The following SMG1 variants were observed in gnomAD, a reference collection of about 807,000 sequenced individuals.
SMG1 encodes serine/threonine-protein kinase SMG1.
SMG1 carries 22 observed loss-of-function variants against 419.9 expected under a neutral mutation model. The ratio of observed to expected loss-of-function variants is 0.05; its 90% CI spans 0.04 to 0.07. The LOEUF (loss-of-function observed/expected upper bound fraction) is 0.07. Ranked by LOEUF, SMG1 falls within the 10% of genes least tolerant of loss-of-function variation. The pLI is 1.00. For synonymous variants in SMG1, 1,538 were observed against 1,553.5 expected, an observed-to-expected ratio of 0.99 and a Z score of 0.23; for missense variants, 3,185 against 4,342.0, an observed-to-expected ratio of 0.73 and a Z score of 7.49.
At chr16:18,838,512 A>G in intron 43 of SMG1, 39 bp downstream of exon 43, 1 of 1,613,938 alleles carries the variant, frequency 6.2e-7, no homozygotes, top group Non-Finnish European at 8.5e-7. Context: ...ACCAAAAAAC[A>G]TTTGGCCCTC....
Position 18,840,026 on chromosome 16 carries a change from G to T in SMG1, c.6697-80C>A, listed in dbSNP as rs1325741719. On this transcript the variant is annotated intron_variant, in intron 41 of 62. Transcript: ENST00000446231. ...AAGAGTGCCTTTTGTATGTAAAGTA[G>T]AATTTTTAAAAATGATTTTTCAGTA... is the stretch of plus-strand genomic sequence containing the variant. 9.3e-6 allele frequency: 11 copies of T among 1,179,722 alleles called. No homozygotes were observed. In the East Asian group the frequency reaches 2.8e-4, roughly 30 times the overall value. The allele number at this position is 1,179,722 out of a possible 1,614,324, so 73.1% of individuals were successfully genotyped here.
chr16:18,845,900 C>G (rs1324833702), intron 38 of SMG1, among the ~76,000 whole-genome samples: 1 of 152,002 alleles, frequency 6.6e-6, no homozygotes, highest in Non-Finnish European at 1.5e-5. Flanking sequence ...ACTGCAACCT[C>G]CACCTCCCGG....
chr16:18,827,378 A>G (rs986482652), intron 55 of SMG1, among the ~76,000 whole-genome samples: 1 of 150,994 alleles, frequency 6.6e-6, no homozygotes, highest in Non-Finnish European at 1.5e-5. Context: ...GTGAGGTGAG[A>G]TAGTGCCACT....
At chr16:18,839,589 A>C in intron 42 of SMG1, 109 bp downstream of exon 42, 1 of 1,416,638 alleles carries the variant, frequency 7.1e-7, no homozygotes, top group Non-Finnish European at 9.8e-7. Context: ...CAAACTACCA[A>C]GTCTGGAGGG....
intron 1 of SMG1, among the ~76,000 whole-genome samples, chr16:18,915,329 A>T (rs1276076377): frequency 2.0e-5 from 3 of 152,108 alleles, no homozygotes. Context: ...CCATTACAAT[A>T]CTGTCCTTTT....
intron 47 of SMG1, 43 bp downstream of exon 47, chr16:18,836,317 A>C: frequency 1.2e-6 from 2 of 1,600,032 alleles, no homozygotes; most frequent in Non-Finnish European, 1.7e-6. Context: ...TGACTATAAA[A>C]CTCATAGTTT....
chr16:18,885,796 T>TA, intron 6 of SMG1, 130 bp from the exon 7 acceptor site: 1 of 859,372 alleles, frequency 1.2e-6, no homozygotes, highest in Non-Finnish European at 1.7e-6. Flanking sequence ...TCTGTAGTTT[T>TA]AGTTAAAAAA....
chr16:18,847,896 C>T lies in SMG1; in HGVS notation c.5761G>A (p.Glu1921Lys). ...NKDEPKSGLN[E>K]DQAMMQDCYS... Reference sequence around the variant, plus strand: ...CAATCCTGCATCATGGCTTGGTCTTCATTTAATCCACTTTTAGGTTCATCC... The same window carrying T: ...CAATCCTGCATCATGGCTTGGTCTTTATTTAATCCACTTTTAGGTTCATCC... The change falls in exon 37 of 63, where the codon GAA becomes AAA. Residue 1921 changes from glutamate to lysine, a missense_variant. Transcript: ENST00000446231. The T allele has an allele frequency of 6.2e-7, 1 of 1,614,058 alleles. No individual in the cohort carries two copies. The highest frequency in any genetic ancestry group is 8.5e-7 in the Non-Finnish European group (1 of 1,179,892).
chr16:18,833,580 C>T (rs2033354792), intron 50 of SMG1, among the ~76,000 whole-genome samples: 1 of 151,598 alleles, frequency 6.6e-6, no homozygotes, highest in African/African-American at 2.4e-5. Flanking sequence ...AAAAAAAAGT[C>T]TTATCAAGGT....
At chr16:18,837,728 A>C (rs1375518911) in intron 45 of SMG1, among the ~76,000 whole-genome samples, 1 of 152,208 alleles carries the variant, frequency 6.6e-6, no homozygotes, top group Non-Finnish European at 1.5e-5. Context: ...CAATTAAAGA[A>C]CATTTACAGT....
At chr16:18,829,891 A>G in intron 53 of SMG1, 35 bp downstream of exon 53, 2 of 1,489,112 alleles carry the variant, frequency 1.3e-6, no homozygotes, top group South Asian at 1.4e-5. Context: ...AGTGCTACAT[A>G]GCTAAAGCTA....
intron 30 of SMG1, among the ~76,000 whole-genome samples, 179 bp downstream of exon 30, chr16:18,854,477 A>G (rs2034786964): frequency 1.3e-5 from 2 of 152,354 alleles, no homozygotes; most frequent in South Asian, 4.1e-4. Flanking sequence ...TTCTTTTGAA[A>G]GCACAGAATT....
Position 18,926,233 on chromosome 16 carries a change from G to C in SMG1, c.-192C>G. ...GAAGAGGACGGCCGTTCCGGGTTCCGCCTGAGCCCGCAGCGCAGGACGAGG... is the reference window on the plus strand; with the variant it reads ...GAAGAGGACGGCCGTTCCGGGTTCCCCCTGAGCCCGCAGCGCAGGACGAGG... On this transcript the variant is annotated 5_prime_UTR_variant, in exon 1 of 63. Coordinates refer to ENST00000446231, the MANE Select transcript of SMG1 (RefSeq NM_015092.5). 1 of 561,920 alleles carries C rather than the reference G, an allele frequency of 1.8e-6. No individual in the cohort carries two copies. The highest frequency in any genetic ancestry group is 3.1e-6 in the Non-Finnish European group (1 of 325,132). 34.8% of individuals were successfully genotyped at this position (561,920 alleles called of 1,614,324 possible). A position where few individuals can be genotyped will look rare whatever the true frequency, so the allele number is the denominator to read the frequency against.
At chr16:18,862,241 C>T (rs1373817044) in intron 25 of SMG1, among the ~76,000 whole-genome samples, 1 of 152,114 alleles carries the variant, frequency 6.6e-6, no homozygotes, top group African/African-American at 2.4e-5. Flanking sequence ...ATATCTAGGA[C>T]ACTTCCCTTC....
rs961855704 is a variant in SMG1, at chr16:18,852,531, C to T, written c.4769-69G>A. 1.2e-5 allele frequency: 15 copies of T among 1,297,894 alleles called. No individual in the cohort carries two copies. The South Asian group carries it at 1.4e-4, about 12-fold the overall frequency. The allele number at this position is 1,297,894 out of a possible 1,614,324, so 80.4% of individuals were successfully genotyped here. A position where few individuals can be genotyped will look rare whatever the true frequency, so the allele number is the denominator to read the frequency against. ...CAATGTTACATTCATAAATTCCTAA[C>T]GACATTTCCATTAGCATTTTAGGTT... is the stretch of plus-strand genomic sequence containing the variant. On this transcript the variant is annotated intron_variant, in intron 31 of 62. Coordinates refer to ENST00000446231, the MANE Select transcript of SMG1 (RefSeq NM_015092.5).
intron 55 of SMG1, among the ~76,000 whole-genome samples, chr16:18,820,860 C>T (rs1020664828): frequency 6.6e-6 from 1 of 152,132 alleles, no homozygotes; most frequent in Non-Finnish European, 1.5e-5. Context: ...TCAGTTACTA[C>T]TGAGTACATG....
At chr16:18,853,412 T>C (rs1031258129) in intron 31 of SMG1, among the ~76,000 whole-genome samples, 171 bp downstream of exon 31, 2 of 152,182 alleles carry the variant, frequency 1.3e-5, no homozygotes, top group Non-Finnish European at 2.9e-5. Context: ...ACTCCCAAAA[T>C]GGCATTCGAT....
In SMG1 at chr16:18,838,028, C is replaced by A. The variant is rs376015835; in HGVS notation, c.7399G>T (p.Val2467Leu). Residue 2467 changes from valine (V) to leucine (L), a missense_variant, in exon 45 of 63, where the codon GTA becomes TTA. By Grantham distance (32) the Val-to-Leu change is conservative. Around this residue, in one of 27 missense-constraint regions of SMG1, gnomAD observed 412 missense variants for 546.6 expected, o/e 0.75. Coordinates refer to ENST00000446231, the MANE Select transcript of SMG1 (RefSeq NM_015092.5). ...CTGGGCTTCACCTTAATCTCAGCTA[C>A]TCTAGAAGAAAACAGGCTGCGGGTG... ...EITRSLFSSR[V>L]AEIKVNWFKN... 1 of 1,613,838 alleles carries A rather than the reference C, an allele frequency of 6.2e-7. No individual in the cohort carries two copies. Among genetic ancestry groups the A allele is most frequent in the Non-Finnish European group, 8.5e-7 (1 of 1,179,906 alleles).
rs1297002218 is a variant in SMG1, at chr16:18,837,998, C to T, written c.7413+16G>A. 5.0e-6 allele frequency: 8 copies of T among 1,610,952 alleles called. No homozygotes were observed. The highest frequency in any genetic ancestry group is 4.0e-5 in the African/African-American group (3 of 74,984). ...ATAAAAAGAAGACAATGACTTATTC[C>T]GTCACTGGGCTTCACCTTAATCTCA... is the stretch of plus-strand genomic sequence containing the variant. On this transcript the variant is annotated intron_variant, in intron 45 of 62. Coordinates refer to ENST00000446231, the MANE Select transcript of SMG1 (RefSeq NM_015092.5).
Sources: gnomAD v4.1 joint callset for allele counts (sites outside exome capture counted in the v4.1 genomes callset) on GRCh38, gnomAD v4.1.1 for gene constraint, gnomAD v4.1.1 regional missense constraint, MANE v1.5 for transcripts, NCBI Gene and HGNC (gene_info 2026-07-23, HGNC 2026-07-21) for gene names.